Variants in PARD3B observed in about 807,000 individuals in gnomAD.
The protein encoded by PARD3B is partitioning defective 3 homolog B.
PARD3B carries 103 observed loss-of-function variants against 130.2 expected under a neutral mutation model. The observed-to-expected ratio is 0.79, with a 90% CI of 0.67 to 0.93. The LOEUF (loss-of-function observed/expected upper bound fraction) is 0.93, where lower values mean the gene tolerates loss of function less well. Among genes scored for constraint, PARD3B ranks in the 40% least tolerant of loss-of-function variants. The probability of loss-of-function intolerance (pLI) is 0.00; values close to 1 mark genes in which losing one functional copy is unlikely to be tolerated. For missense variants in PARD3B, 1,609 were observed against 1,499.2 expected (o/e 1.07, Z -1.21); for synonymous variants, 583 against 553.2 (o/e 1.05, Z -0.76).
chr2:205,482,699 T>G (rs1252912184), intron 20 of PARD3B: 1 of 152,106 alleles, frequency 6.6e-6, no homozygotes, highest in East Asian at 1.9e-4. Flanking sequence ...AACCAGCCTC[T>G]GGCACCACTG....
chr2:205,393,861 A>G (rs561599936), intron 18 of PARD3B, among the ~76,000 whole-genome samples: 1 of 152,316 alleles, frequency 6.6e-6, no homozygotes, highest in East Asian at 1.9e-4. Flanking sequence ...CAGCGTATGT[A>G]TGGGAGTCTA....
chr2:205,361,947 C>T (rs2044405043), intron 18 of PARD3B, among the ~76,000 whole-genome samples: 1 of 152,206 alleles, frequency 6.6e-6, no homozygotes, highest in South Asian at 2.1e-4. Flanking sequence ...ATTTTTTTGG[C>T]TCCTTCAGTG....
chr2:205,393,674 T>C (rs1299526481), intron 18 of PARD3B, among the ~76,000 whole-genome samples: 1 of 152,194 alleles, frequency 6.6e-6, no homozygotes, highest in Non-Finnish European at 1.5e-5. Context: ...TTGTATAGTG[T>C]GTGCACTAAG....
intron 21 of PARD3B, among the ~76,000 whole-genome samples, chr2:205,504,803 C>T (rs1025806500): frequency 1.1e-4 from 16 of 152,116 alleles, no homozygotes; most frequent in African/African-American, 3.9e-4. Flanking sequence ...GACTGTAAAC[C>T]AGTTCAAGCA....
At chr2:205,510,702 T>C (rs2050556207) in intron 21 of PARD3B, among the ~76,000 whole-genome samples, 1 of 152,152 alleles carries the variant, frequency 6.6e-6, no homozygotes, top group Non-Finnish European at 1.5e-5. Context: ...CAAAAAACCC[T>C]GAAGCAAAGA....
At chr2:205,306,945 G>A (rs1186516372) in intron 18 of PARD3B, among the ~76,000 whole-genome samples, 1 of 152,208 alleles carries the variant, frequency 6.6e-6, no homozygotes, top group Non-Finnish European at 1.5e-5. Context: ...GGAGTTAGAT[G>A]TGTGTTTTAA....
intron 21 of PARD3B, 106 bp from the exon 22 acceptor site, chr2:205,553,204 CCATGGTTGATTTTT>C (rs772573290): frequency 1.0e-4 from 90 of 863,102 alleles, no homozygotes; most frequent in South Asian, 4.6e-4. Flanking sequence ...GCTTGCTTTT[CCATGGTTGATTTTT>C]GGCAGGCAGT....
At chr2:204,914,354 A>G (rs1575290903) in intron 2 of PARD3B, among the ~76,000 whole-genome samples, 1 of 152,228 alleles carries the variant, frequency 6.6e-6, no homozygotes, top group African/African-American at 2.4e-5. Flanking sequence ...AGAAAGTCCT[A>G]CAACAATAAT....
intron 1 of PARD3B, among the ~76,000 whole-genome samples, chr2:204,575,652 C>T (rs2032219757): frequency 6.6e-6 from 1 of 152,208 alleles, no homozygotes; most frequent in Admixed American, 6.5e-5. Flanking sequence ...CTGTTCTCCT[C>T]CTGGCTCTCT....
At chr2:204,951,214 A>G (rs1689737147) in intron 2 of PARD3B, among the ~76,000 whole-genome samples, 1 of 152,170 alleles carries the variant, frequency 6.6e-6, no homozygotes, top group Admixed American at 6.5e-5. Context: ...ACATTTTTAG[A>G]ACAAGGTCTA....
intron 5 of PARD3B, among the ~76,000 whole-genome samples, chr2:205,112,026 T>C (rs1186513337): frequency 1.3e-5 from 2 of 152,136 alleles, no homozygotes; most frequent in East Asian, 3.9e-4. Context: ...CATATCTATA[T>C]ATAACAGTCC....
chr2:205,529,518 CT>C (rs921523278), intron 21 of PARD3B, among the ~76,000 whole-genome samples: 2 of 151,976 alleles, frequency 1.3e-5, no homozygotes, highest in African/African-American at 2.4e-5. Context: ...TCTTTGCTTA[CT>C]TTTTTTCCTT....
intron 19 of PARD3B, among the ~76,000 whole-genome samples, chr2:205,409,222 T>A (rs181432271): frequency 1.1e-3 from 174 of 152,274 alleles, no homozygotes; most frequent in Non-Finnish European, 6.5e-4. Context: ...GTGATTACTA[T>A]TGATGCTCGT....
chr2:204,692,627 A>G (rs765277480), intron 2 of PARD3B, among the ~76,000 whole-genome samples: 2 of 152,032 alleles, frequency 1.3e-5, no homozygotes, highest in African/African-American at 2.4e-5. Flanking sequence ...TCAGGATATG[A>G]TGTGTTTTTG....
chr2:204,909,690 G>T (rs1380189602), intron 2 of PARD3B, among the ~76,000 whole-genome samples: 1 of 152,096 alleles, frequency 6.6e-6, no homozygotes. Context: ...TGATTAACAG[G>T]GTTGGCATGG....
chr2:204,848,868 CTTTG>C (rs1017210927), intron 2 of PARD3B, among the ~76,000 whole-genome samples: 2 of 151,824 alleles, frequency 1.3e-5, no homozygotes, highest in African/African-American at 4.8e-5. Flanking sequence ...TTTTATTTGA[CTTTG>C]TTTTGTTTCT....
chr2:205,491,801 C>T (rs1344113339), intron 20 of PARD3B, among the ~76,000 whole-genome samples: 1 of 152,132 alleles, frequency 6.6e-6, no homozygotes, highest in East Asian at 1.9e-4. Context: ...TTGAGAAAGA[C>T]AAAAGGTCAG....
intron 4 of PARD3B, among the ~76,000 whole-genome samples, chr2:205,094,269 G>A (rs1702275886): frequency 3.9e-5 from 6 of 152,204 alleles, no homozygotes; most frequent in Admixed American, 3.9e-4. Context: ...ATGGCGAAAT[G>A]ATTGTGTAGG....
At chr2:205,513,701 T>C (rs932181550) in intron 21 of PARD3B, among the ~76,000 whole-genome samples, 1 of 152,078 alleles carries the variant, frequency 6.6e-6, no homozygotes, top group African/African-American at 2.4e-5. Context: ...GGTAGACCTT[T>C]ACTCAGTGGC....
Sources: allele counts gnomAD v4.1 joint callset (sites outside exome capture counted in the v4.1 genomes callset), GRCh38; gene constraint gnomAD v4.1.1; transcripts MANE v1.5; gene names NCBI Gene and HGNC (gene_info 2026-07-23, HGNC 2026-07-21).